Variants in ATRNL1 observed in about 807,000 individuals in gnomAD.
ATRNL1 encodes attractin-like protein 1.
ATRNL1 carries 95 observed loss-of-function variants against 182.7 expected under a neutral mutation model. That is an observed-to-expected ratio of 0.52 (90% CI 0.44 to 0.62). The LOEUF is 0.62. ATRNL1 is among the 20% of genes least tolerant of loss of function. The probability of loss-of-function intolerance (pLI) is 0.00; values close to 1 mark genes in which losing one functional copy is unlikely to be tolerated. For missense variants in ATRNL1, 1,471 were observed against 1,679.5 expected (o/e 0.88, Z 2.17); for synonymous variants, 576 against 568.3 (o/e 1.01, Z -0.19).
intron 26 of ATRNL1, among the ~76,000 whole-genome samples, chr10:115,570,660 G>C (rs1854332720): frequency 1.3e-5 from 2 of 152,178 alleles, no homozygotes; most frequent in Admixed American, 6.5e-5. Context: ...TGGGGGCTAT[G>C]AATGCTTTGA....
chr10:115,392,735 C>A (rs1844090216), intron 19 of ATRNL1, among the ~76,000 whole-genome samples: 1 of 152,154 alleles, frequency 6.6e-6, no homozygotes. Context: ...TTTCTAGATG[C>A]AATTCTCGTG....
At chr10:115,728,892 G>T (rs1947699990) in intron 27 of ATRNL1, among the ~76,000 whole-genome samples, 1 of 152,110 alleles carries the variant, frequency 6.6e-6, no homozygotes, top group African/African-American at 2.4e-5. Flanking sequence ...TTTCATTTTG[G>T]TTCCTTGTTT....
At chr10:115,472,864 T>A (rs955534562) in intron 24 of ATRNL1, among the ~76,000 whole-genome samples, 2 of 151,196 alleles carry the variant, frequency 1.3e-5, no homozygotes, top group African/African-American at 4.8e-5. Flanking sequence ...TTTCTAGGAC[T>A]ACCAGTCCTA....
chr10:115,587,683 G>A (rs1000623296), intron 26 of ATRNL1, among the ~76,000 whole-genome samples: 40 of 152,042 alleles, frequency 2.6e-4, no homozygotes, highest in African/African-American at 5.8e-4. Flanking sequence ...AGATGAACCT[G>A]GTACCTCAGA....
chr10:115,504,230 C>T (rs575522591), intron 24 of ATRNL1, among the ~76,000 whole-genome samples: 107 of 151,948 alleles, frequency 7.0e-4, no homozygotes, highest in Non-Finnish European at 9.7e-4. Flanking sequence ...ATTGAACTGC[C>T]ATTGCAAAAT....
intron 10 of ATRNL1, among the ~76,000 whole-genome samples, chr10:115,257,078 G>T (rs934670569): frequency 1.3e-5 from 2 of 152,150 alleles, no homozygotes; most frequent in Admixed American, 6.5e-5. Context: ...GAATAAGTGC[G>T]ATGTGGTGCT....
chr10:115,534,754 C>A (rs1851854593), intron 25 of ATRNL1, among the ~76,000 whole-genome samples: 1 of 151,324 alleles, frequency 6.6e-6, no homozygotes, highest in Non-Finnish European at 1.5e-5. Flanking sequence ...CCGGTTGTTC[C>A]TTTCCATGTT....
chr10:115,549,351 A>G (rs1852837183), intron 25 of ATRNL1, 107 bp from the exon 26 acceptor site: 1 of 621,512 alleles, frequency 1.6e-6, no homozygotes, highest in South Asian at 5.6e-5. Flanking sequence ...TTACCTAGAC[A>G]AAGTTATTAC....
At chr10:115,875,096 G>A (rs1312679459) in intron 28 of ATRNL1, among the ~76,000 whole-genome samples, 15 of 152,146 alleles carry the variant, frequency 9.9e-5, no homozygotes, top group South Asian at 2.1e-4. Context: ...AGTGGAAATT[G>A]ATAGGACTTG....
chr10:115,306,982 G>C (rs1853767260), intron 17 of ATRNL1, among the ~76,000 whole-genome samples: 1 of 152,152 alleles, frequency 6.6e-6, no homozygotes, highest in Non-Finnish European at 1.5e-5. Context: ...TGGTGGGATT[G>C]TCAGCTAGGC....
At chr10:115,453,996 A>G (rs1275357210) in intron 21 of ATRNL1, among the ~76,000 whole-genome samples, 4 of 152,102 alleles carry the variant, frequency 2.6e-5, no homozygotes, top group Admixed American at 2.6e-4. Context: ...TTCTCTGTTG[A>G]TAAGCATTTC....
chr10:115,121,622 T>C lies in ATRNL1; in HGVS notation c.378-77T>C, dbSNP rs1592129015. The C allele has an allele frequency of 4.2e-5, 21 of 498,318 alleles. No individual in the cohort carries two copies. The East Asian group carries it at 7.1e-4, about 17-fold the overall frequency. The allele number at this position is 498,318 out of a possible 1,614,324, so 30.9% of individuals were successfully genotyped here. On this transcript the variant is annotated intron_variant, in intron 2 of 28. Transcript: ENST00000355044. Reference sequence around the variant, plus strand: ...TCTTCACTCTGTGCTTTGTATATTATATAATAAATATTATGTATTTATTCA... The same window carrying C: ...TCTTCACTCTGTGCTTTGTATATTACATAATAAATATTATGTATTTATTCA...
At position 115,471,531 on chromosome 10, in the gene ATRNL1, G is replaced by A. The variant is rs80177897; in HGVS notation, c.3654+2202G>A. On this transcript the variant is annotated intron_variant, in intron 24 of 28. Coordinates refer to ENST00000355044, the MANE Select transcript of ATRNL1 (RefSeq NM_207303.4). Reference sequence around the variant, plus strand: ...GTTATCTTTTGTATTTTTGATAATGGCCATCATAACAGCTATGAGGTGATA... The same window carrying A: ...GTTATCTTTTGTATTTTTGATAATGACCATCATAACAGCTATGAGGTGATA... 2.5e-3 allele frequency among the ~76,000 whole-genome samples: 382 copies of A among 151,056 alleles called. 2 individuals are homozygous for A. The highest frequency in any genetic ancestry group is 8.9e-3 in the African/African-American group (368 of 41,386).
At chr10:115,188,875 T>G (rs531259418) in intron 8 of ATRNL1, among the ~76,000 whole-genome samples, 22 of 152,244 alleles carry the variant, frequency 1.4e-4, no homozygotes, top group African/African-American at 5.3e-4. Context: ...AATCTCCAGT[T>G]TAGAAACAAT....
intron 19 of ATRNL1, among the ~76,000 whole-genome samples, chr10:115,379,967 C>T (rs1366390883): frequency 6.6e-6 from 1 of 152,114 alleles, no homozygotes; most frequent in Admixed American, 6.6e-5. Flanking sequence ...GCTGGGACTA[C>T]GGGTGCCCAC....
intron 28 of ATRNL1, among the ~76,000 whole-genome samples, chr10:115,940,697 CTT>C (rs1491101501): frequency 1.7e-5 from 1 of 58,830 alleles, no homozygotes; most frequent in African/African-American, 1.4e-4. Flanking sequence ...CTCTCTCTCT[CTT>C]CTCTCTCTCT....
chr10:115,538,687 A>G (rs1852181383), intron 25 of ATRNL1, among the ~76,000 whole-genome samples: 1 of 152,032 alleles, frequency 6.6e-6, no homozygotes, highest in African/African-American at 2.4e-5. Context: ...TGGAGTGAAA[A>G]GTTTTAGTTT....
intron 3 of ATRNL1, 107 bp from the exon 4 acceptor site, chr10:115,127,486 C>A: frequency 3.5e-6 from 3 of 856,826 alleles, no homozygotes; most frequent in Non-Finnish European, 5.1e-6. Flanking sequence ...CCCATTCTGA[C>A]GTACAAGCAT....
chr10:115,139,980 C>T (rs1410491100), intron 5 of ATRNL1, among the ~76,000 whole-genome samples: 4 of 152,168 alleles, frequency 2.6e-5, no homozygotes, highest in Non-Finnish European at 4.4e-5. Flanking sequence ...GGCTAGCCTA[C>T]AGCAAAGATG....
Sources: allele counts gnomAD v4.1 joint callset (sites outside exome capture counted in the v4.1 genomes callset), GRCh38; gene constraint gnomAD v4.1.1; transcripts MANE v1.5; gene names NCBI Gene and HGNC (gene_info 2026-07-23, HGNC 2026-07-21).